The following SNX2 variants were observed in gnomAD, a reference collection of about 807,000 sequenced individuals.
SNX2 encodes the protein sorting nexin-2.
In SNX2, 25 loss-of-function variants were observed where a neutral mutation model predicts 69.9. The observed-to-expected ratio is 0.36, with a 90% CI of 0.26 to 0.50. SNX2 has a LOEUF of 0.50. Ranked by LOEUF, SNX2 falls within the 20% of genes least tolerant of loss-of-function variation. The pLI is 0.97. For synonymous variants in SNX2, 229 were observed against 200.4 expected, an observed-to-expected ratio of 1.14 and a Z score of -1.20; for missense variants, 551 against 613.3, an observed-to-expected ratio of 0.90 and a Z score of 1.07.
At chr5:122,792,187 A>G (rs1299217819) in intron 1 of SNX2, among the ~76,000 whole-genome samples, 1 of 152,262 alleles carries the variant, frequency 6.6e-6, no homozygotes. Context: ...GTTTGAAACT[A>G]CTTTTGAATG....
Position 122,802,164 on chromosome 5 carries a change from A to C in SNX2, c.501+40A>C, listed in dbSNP as rs756621230. On this transcript the variant is annotated intron_variant, in intron 5 of 14. Coordinates refer to ENST00000379516, the MANE Select transcript of SNX2 (RefSeq NM_003100.4). ...CTTTTAAAAAAACTATCGAGCCCTC[A>C]TTATGTGTAGTATGAGGATATGGCT... 16 of 1,539,730 alleles carry C rather than the reference A, an allele frequency of 1.0e-5. No homozygotes were observed. In the South Asian group the frequency reaches 1.6e-4, roughly 15 times the overall value.
intron 6 of SNX2, among the ~76,000 whole-genome samples, chr5:122,807,935 A>G (rs570422259): frequency 4.6e-5 from 7 of 152,320 alleles, no homozygotes; most frequent in Non-Finnish European, 7.4e-5. Flanking sequence ...TCCATTATGT[A>G]TATCGGGTTA....
At chr5:122,817,972 G>C (rs1017957279) in intron 10 of SNX2, among the ~76,000 whole-genome samples, 7 of 152,006 alleles carry the variant, frequency 4.6e-5, no homozygotes, top group African/African-American at 1.7e-4. Context: ...ATCCAACAAT[G>C]TAAATATCAA....
intron 3 of SNX2, 119 bp downstream of exon 3, chr5:122,799,974 T>C (rs1323059250): frequency 2.2e-5 from 16 of 716,566 alleles, no homozygotes; most frequent in Admixed American, 3.1e-5. Flanking sequence ...GAAAAGAATA[T>C]TGGACTAAAT....
chr5:122,822,063 A>G (rs2150016473), intron 11 of SNX2, among the ~76,000 whole-genome samples: 1 of 152,296 alleles, frequency 6.6e-6, no homozygotes, highest in Middle Eastern at 3.4e-3. Flanking sequence ...GAATCAAGAC[A>G]TCTTTACAAA....
chr5:122,793,037 A>G (rs779298524), intron 1 of SNX2, among the ~76,000 whole-genome samples: 20 of 152,208 alleles, frequency 1.3e-4, no homozygotes, highest in Non-Finnish European at 2.2e-4. Flanking sequence ...GTGTAAAATT[A>G]TACAACCACT....
intron 14 of SNX2, chr5:122,828,154 A>G (rs1754200265): frequency 6.6e-6 from 1 of 152,218 alleles, no homozygotes; most frequent in Non-Finnish European, 1.5e-5. Flanking sequence ...ATAAAAAGAT[A>G]ATCACAGAAA....
At chr5:122,775,310 G>C (rs2276988) in intron 1 of SNX2, 99 bp downstream of exon 1, 5 of 1,456,592 alleles carry the variant, frequency 3.4e-6, no homozygotes, top group Non-Finnish European at 4.6e-6. Flanking sequence ...GTGTTTGCAA[G>C]GACCGTCTTG....
At chr5:122,792,149 G>T (rs1444205913) in intron 1 of SNX2, among the ~76,000 whole-genome samples, 1 of 152,214 alleles carries the variant, frequency 6.6e-6, no homozygotes, top group Non-Finnish European at 1.5e-5. Context: ...CGAGAGAAAA[G>T]AAAGCCTCTT....
At chr5:122,829,120 G>C (rs1754224067) in intron 14 of SNX2, among the ~76,000 whole-genome samples, 1 of 152,020 alleles carries the variant, frequency 6.6e-6, no homozygotes, top group African/African-American at 2.4e-5. Context: ...TCCACCTCAA[G>C]AAAACAAAAC....
At chr5:122,815,005 T>G (rs1753871805) in intron 7 of SNX2, among the ~76,000 whole-genome samples, 1 of 152,238 alleles carries the variant, frequency 6.6e-6, no homozygotes, top group South Asian at 2.1e-4. Flanking sequence ...CGCCTCGGCC[T>G]CCCAAAGTGC....
intron 7 of SNX2, chr5:122,808,565 A>T: frequency 2.5e-6 from 1 of 400,554 alleles, no homozygotes; most frequent in Non-Finnish European, 4.5e-6. Flanking sequence ...AGTAATCCTC[A>T]TCAATAGTCT....
chr5:122,823,165 C>T (rs1754061815), intron 11 of SNX2, among the ~76,000 whole-genome samples: 1 of 127,818 alleles, frequency 7.8e-6, no homozygotes, highest in Admixed American at 8.0e-5. Context: ...ACTTATCCCT[C>T]TTATAATGGT....
intron 1 of SNX2, among the ~76,000 whole-genome samples, chr5:122,779,983 A>G (rs968872618): frequency 2.0e-5 from 3 of 152,358 alleles, no homozygotes; most frequent in Non-Finnish European, 2.9e-5. Context: ...AGTGCAAATA[A>G]TAAAGGAGAA....
chr5:122,776,712 A>AAAAT (rs2149998615), intron 1 of SNX2, among the ~76,000 whole-genome samples: 1 of 152,334 alleles, frequency 6.6e-6, no homozygotes, highest in East Asian at 1.9e-4. Context: ...TTTTTCTACC[A>AAAAT]GCGAGAATCA....
chr5:122,813,183 A>G (rs951743741), intron 7 of SNX2, among the ~76,000 whole-genome samples: 1 of 151,954 alleles, frequency 6.6e-6, no homozygotes, highest in Non-Finnish European at 1.5e-5. Context: ...TATTACAACC[A>G]TCTCTGGTCT....
At chr5:122,776,090 CTAA>C (rs1353439773) in intron 1 of SNX2, among the ~76,000 whole-genome samples, 4 of 152,058 alleles carry the variant, frequency 2.6e-5, no homozygotes, top group Non-Finnish European at 5.9e-5. Flanking sequence ...ACCTCACAGC[CTAA>C]TTTTAAGTGT....
chr5:122,784,761 G>C (rs1466368187), intron 1 of SNX2, among the ~76,000 whole-genome samples: 1 of 152,076 alleles, frequency 6.6e-6, no homozygotes, highest in African/African-American at 2.4e-5. Context: ...GTGATTTGGC[G>C]AGTGTTTCCT....
At chr5:122,801,652 C>CGTGTGTGTGT (rs61189602) in intron 3 of SNX2, among the ~76,000 whole-genome samples, 10,105 of 131,970 alleles carry the variant, frequency 0.077, 461 homozygotes, top group African/African-American at 0.096. Flanking sequence ...TGGTCTTTTT[C>CGTGTGTGTGT]GTGTGTGTGT....
Sources: allele counts gnomAD v4.1 joint callset (sites outside exome capture counted in the v4.1 genomes callset), GRCh38; gene constraint gnomAD v4.1.1; transcripts MANE v1.5; gene names NCBI Gene and HGNC (gene_info 2026-07-23, HGNC 2026-07-21).